The following SASH1 variants were observed in gnomAD, a reference collection of about 807,000 sequenced individuals.
The protein encoded by SASH1 is SAM and SH3 domain containing 1.
Under a neutral mutation model 125.2 loss-of-function variants are expected in SASH1, and 44 were observed. The ratio of observed to expected loss-of-function variants is 0.35; its 90% confidence interval spans 0.28 to 0.45. The LOEUF (loss-of-function observed/expected upper bound fraction) is 0.45, where lower values mean the gene tolerates loss of function less well. SASH1 is among the 20% of genes least tolerant of loss of function. SASH1 has a pLI of 1.00. For synonymous variants in SASH1, 639 were observed against 649.1 expected, an observed-to-expected ratio of 0.98 and a Z score of 0.24; for missense variants, 1,426 against 1,614.5, an observed-to-expected ratio of 0.88 and a Z score of 2.00.
chr6:148,255,856 A>G, the SASH1 span, among the ~76,000 whole-genome samples: 360 of 152,108 alleles, frequency 2.4e-3, 1 homozygote, highest in African/African-American at 8.1e-3. Flanking sequence ...TGCCCAGGCT[A>G]ATCTCGAACT....
chr6:148,274,546 C>A (rs1779138146), intron 1 of SASH1, among the ~76,000 whole-genome samples: 1 of 152,128 alleles, frequency 6.6e-6, no homozygotes, highest in Admixed American at 6.5e-5. Context: ...GGTTTTTGTG[C>A]TGAGGATGCA....
At chr6:148,497,896 C>T (rs1779379397) in intron 8 of SASH1, among the ~76,000 whole-genome samples, 1 of 152,088 alleles carries the variant, frequency 6.6e-6, no homozygotes, top group Non-Finnish European at 1.5e-5. Context: ...TAATCTAGGG[C>T]CCTACAGTGC....
intron 4 of SASH1, among the ~76,000 whole-genome samples, chr6:148,457,100 T>C (rs959359425): frequency 2.7e-5 from 4 of 148,716 alleles, no homozygotes; most frequent in Admixed American, 6.7e-5. Context: ...AAATTCACAG[T>C]GAGGCCATAA....
chr6:148,407,562 C>T (rs1784426064), intron 2 of SASH1, among the ~76,000 whole-genome samples: 1 of 152,072 alleles, frequency 6.6e-6, no homozygotes, highest in African/African-American at 2.4e-5. Flanking sequence ...TCTTCAAATC[C>T]CTGCTTTCAT....
the SASH1 span, among the ~76,000 whole-genome samples, chr6:148,233,104 C>T: frequency 6.6e-6 from 1 of 151,694 alleles, no homozygotes; most frequent in Non-Finnish European, 1.5e-5. Flanking sequence ...GTCCCAGATA[C>T]TCGGGAGGCT....
the SASH1 span, among the ~76,000 whole-genome samples, chr6:148,265,084 G>C: frequency 6.6e-6 from 1 of 152,158 alleles, no homozygotes; most frequent in Non-Finnish European, 1.5e-5. Context: ...ATTTCTCCTT[G>C]ATTTTTATAT....
intron 2 of SASH1, among the ~76,000 whole-genome samples, chr6:148,420,478 A>G (rs1489058073): frequency 6.6e-6 from 1 of 152,148 alleles, no homozygotes; most frequent in Non-Finnish European, 1.5e-5. Flanking sequence ...AGTGCCAGGC[A>G]CTCTGCTGGG....
intron 2 of SASH1, among the ~76,000 whole-genome samples, chr6:148,423,088 G>A (rs1775643400): frequency 6.6e-6 from 1 of 152,082 alleles, no homozygotes; most frequent in South Asian, 2.1e-4. Flanking sequence ...ACAGGCGCAC[G>A]CCACCACGCC....
the SASH1 span, among the ~76,000 whole-genome samples, chr6:148,212,509 C>A: frequency 1.3e-5 from 2 of 152,168 alleles, no homozygotes; most frequent in African/African-American, 2.4e-5. Context: ...AAAACCAGTC[C>A]TGAATTGACG....
chr6:148,400,145 GATCT>G (rs1280602041), intron 2 of SASH1, among the ~76,000 whole-genome samples: 5 of 152,220 alleles, frequency 3.3e-5, no homozygotes, highest in Admixed American at 3.3e-4. Context: ...TCTGTAGCTG[GATCT>G]ATGTCATTTA....
intron 9 of SASH1, among the ~76,000 whole-genome samples, chr6:148,518,289 ATCT>A (rs1193591251): frequency 2.0e-5 from 3 of 152,116 alleles, no homozygotes; most frequent in South Asian, 4.1e-4. Flanking sequence ...AGAGTTTTAC[ATCT>A]TCTTTTCCAC....
At chr6:148,243,222 G>A in the SASH1 span, among the ~76,000 whole-genome samples, 10 of 152,108 alleles carry the variant, frequency 6.6e-5, no homozygotes, top group South Asian at 4.2e-4. Context: ...AGGCCAAGGC[G>A]GACAGATCAC....
the SASH1 span, among the ~76,000 whole-genome samples, chr6:148,234,508 G>A: frequency 6.6e-6 from 1 of 151,910 alleles, no homozygotes; most frequent in Non-Finnish European, 1.5e-5. Context: ...GAGTTAACTT[G>A]GGGTGGGGAG....
intron 4 of SASH1, among the ~76,000 whole-genome samples, chr6:148,457,562 G>GT (rs1453300212): frequency 1.3e-5 from 2 of 152,128 alleles, no homozygotes; most frequent in Non-Finnish European, 2.9e-5. Flanking sequence ...AGCAAGGCTA[G>GT]TTTTTTTGAG....
At chr6:148,356,853 C>T (rs761859722) in intron 1 of SASH1, among the ~76,000 whole-genome samples, 5 of 152,196 alleles carry the variant, frequency 3.3e-5, no homozygotes, top group Non-Finnish European at 7.3e-5. Flanking sequence ...TCCATACCCA[C>T]ATCTGTTATT....
chr6:148,276,027 T>C (rs1312085978), intron 1 of SASH1, among the ~76,000 whole-genome samples: 3 of 152,230 alleles, frequency 2.0e-5, no homozygotes, highest in Non-Finnish European at 4.4e-5. Context: ...AGCCTACTTC[T>C]ACTTTTTTGT....
upstream of SASH1, among the ~76,000 whole-genome samples, chr6:148,269,197 C>G (rs147249515): frequency 1.2e-4 from 19 of 152,260 alleles, no homozygotes; most frequent in African/African-American, 4.3e-4. Context: ...GTCCCATGCC[C>G]CATGGAGGAG....
At chr6:148,357,747 T>G (rs964375644) in intron 1 of SASH1, among the ~76,000 whole-genome samples, 12 of 152,130 alleles carry the variant, frequency 7.9e-5, no homozygotes, top group Non-Finnish European at 1.3e-4. Flanking sequence ...ATCGGGAAAG[T>G]CAGCCTCCTG....
Position 148,478,253 on chromosome 6 carries a change from C to T in SASH1, c.627+4031C>T, listed in dbSNP as rs370253332. Among the ~76,000 whole-genome samples, 33 of 152,228 alleles carry T rather than the reference C, an allele frequency of 2.2e-4. 2 individuals carry two copies. The South Asian group carries it at 5.8e-3, about 27-fold the overall frequency. ...TGTTTATTGCAGTGCTGTTGACGAT[C>T]GCCAAGACTTGGAAGCAACCTAAGT... On this transcript the variant is annotated intron_variant, in intron 7 of 19. Transcript: ENST00000367467.
Sources: allele counts gnomAD v4.1 joint callset (sites outside exome capture counted in the v4.1 genomes callset), GRCh38; gene constraint gnomAD v4.1.1; transcripts MANE v1.5; gene names NCBI Gene and HGNC (gene_info 2026-07-23, HGNC 2026-07-21).